CNTNAP2: variants seen among roughly 807,000 people sequenced by gnomAD.
The protein encoded by CNTNAP2 is contactin associated protein 2, also known as contactin-associated protein-like 2.
A neutral mutation model predicts 155.2 loss-of-function variants in CNTNAP2; 98 were observed. That is an observed-to-expected ratio of 0.63 (90% confidence interval 0.54 to 0.75). The LOEUF (loss-of-function observed/expected upper bound fraction) is 0.75. Ranked by LOEUF, CNTNAP2 falls within the 30% of genes least tolerant of loss-of-function variation. The pLI, the probability that CNTNAP2 is intolerant of heterozygous loss-of-function variation, is 0.00. For missense variants in CNTNAP2, 1,727 were observed against 1,688.1 expected (o/e 1.02, Z -0.40); for synonymous variants, 651 against 631.2 (o/e 1.03, Z -0.47).
At chr7:147,442,813 C>T (rs1797665256) in intron 10 of CNTNAP2, among the ~76,000 whole-genome samples, 1 of 152,038 alleles carries the variant, frequency 6.6e-6, no homozygotes, top group African/African-American at 2.4e-5. Context: ...GCAGGTAGGG[C>T]CTGGAAAGGG....
intron 19 of CNTNAP2, among the ~76,000 whole-genome samples, chr7:148,225,546 C>G: frequency 6.6e-6 from 1 of 152,180 alleles, no homozygotes; most frequent in Middle Eastern, 3.4e-3. Flanking sequence ...TGAGCCATTG[C>G]AAGAAGTTTG....
chr7:147,926,571 A>G (rs537336671), intron 14 of CNTNAP2, among the ~76,000 whole-genome samples: 1 of 152,340 alleles, frequency 6.6e-6, no homozygotes, highest in Admixed American at 6.5e-5. Context: ...TGTGATCTAC[A>G]TGTAATTCCA....
chr7:147,192,994 C>G (rs1375068083), intron 8 of CNTNAP2, among the ~76,000 whole-genome samples: 1 of 152,120 alleles, frequency 6.6e-6, no homozygotes, highest in Non-Finnish European at 1.5e-5. Flanking sequence ...CACTAGATAT[C>G]TTGGAAAAAA....
At chr7:146,766,805 T>C (rs1802203012) in intron 1 of CNTNAP2, among the ~76,000 whole-genome samples, 1 of 152,124 alleles carries the variant, frequency 6.6e-6, no homozygotes, top group African/African-American at 2.4e-5. Flanking sequence ...AAGGTCCAAA[T>C]TGGAAGGATT....
intron 1 of CNTNAP2, among the ~76,000 whole-genome samples, chr7:146,138,282 T>G (rs1797826668): frequency 6.6e-6 from 1 of 152,134 alleles, no homozygotes; most frequent in South Asian, 2.1e-4. Context: ...ACATGGAAGG[T>G]CTGAAGAACA....
intron 1 of CNTNAP2, among the ~76,000 whole-genome samples, chr7:146,507,928 A>C: frequency 6.6e-6 from 1 of 152,156 alleles, no homozygotes; most frequent in East Asian, 1.9e-4. Context: ...TGTGATGTCA[A>C]TTGGGAAGAA....
intron 1 of CNTNAP2, among the ~76,000 whole-genome samples, chr7:146,280,887 A>C (rs1291062839): frequency 1.3e-5 from 2 of 152,144 alleles, no homozygotes; most frequent in East Asian, 3.9e-4. Context: ...CTGGCTCAGG[A>C]ACCTTCTGAG....
chr7:147,067,523 T>TA (rs1799804443), intron 4 of CNTNAP2, among the ~76,000 whole-genome samples: 1 of 152,178 alleles, frequency 6.6e-6, no homozygotes, highest in Non-Finnish European at 1.5e-5. Context: ...AATTCTTTTT[T>TA]ATGAGTATGC....
At chr7:147,502,289 G>A (rs1033986012) in intron 11 of CNTNAP2, among the ~76,000 whole-genome samples, 2 of 152,230 alleles carry the variant, frequency 1.3e-5, no homozygotes, top group Admixed American at 1.3e-4. Context: ...GAAAGCTGGA[G>A]GAATCACATA....
At chr7:146,502,177 G>A (rs112487354) in intron 1 of CNTNAP2, among the ~76,000 whole-genome samples, 12,220 of 135,314 alleles carry the variant, frequency 0.09, 1,402 homozygotes, top group African/African-American at 0.28. Flanking sequence ...ACAGGATTTC[G>A]TTATTTTTAT....
At chr7:147,040,513 T>A (rs1799240264) in intron 3 of CNTNAP2, among the ~76,000 whole-genome samples, 1 of 136,194 alleles carries the variant, frequency 7.3e-6, no homozygotes, top group African/African-American at 2.8e-5. Context: ...CAGGCTGGAG[T>A]ACAGTGGCGT....
At chr7:146,643,376 A>ATGGC (rs1306678087) in intron 1 of CNTNAP2, among the ~76,000 whole-genome samples, 1 of 152,104 alleles carries the variant, frequency 6.6e-6, no homozygotes, top group Non-Finnish European at 1.5e-5. Flanking sequence ...CTTTCTACAT[A>ATGGC]TGGCTAGCCA....
chr7:147,521,275 C>G (rs1293239213), intron 11 of CNTNAP2, among the ~76,000 whole-genome samples: 1 of 152,146 alleles, frequency 6.6e-6, no homozygotes, highest in African/African-American at 2.4e-5. Flanking sequence ...GATCATAGTT[C>G]CACTATAATT....
intron 15 of CNTNAP2, among the ~76,000 whole-genome samples, chr7:148,073,247 T>G (rs1803415724): frequency 6.6e-6 from 1 of 152,200 alleles, no homozygotes; most frequent in Non-Finnish European, 1.5e-5. Context: ...ATGTGTCACC[T>G]GAGAGATAGC....
chr7:147,263,817 C>T (rs982070527), intron 8 of CNTNAP2, among the ~76,000 whole-genome samples: 3 of 152,160 alleles, frequency 2.0e-5, no homozygotes, highest in Non-Finnish European at 4.4e-5. Flanking sequence ...CTCATTTCTC[C>T]ATCTCCCTAA....
intron 15 of CNTNAP2, among the ~76,000 whole-genome samples, chr7:147,980,912 C>A: frequency 8.9e-6 from 1 of 112,948 alleles, no homozygotes. Context: ...GCCTGGGTGA[C>A]AGAGCAAGAC....
At chr7:146,243,903 G>T (rs1041082792) in intron 1 of CNTNAP2, among the ~76,000 whole-genome samples, 1 of 152,134 alleles carries the variant, frequency 6.6e-6, no homozygotes, top group African/African-American at 2.4e-5. Flanking sequence ...AGATGGTATG[G>T]AGAGATAATG....
intron 8 of CNTNAP2, among the ~76,000 whole-genome samples, chr7:147,234,711 T>G (rs1190282672): frequency 2.0e-5 from 3 of 152,158 alleles, no homozygotes. Flanking sequence ...ATCCTTAATT[T>G]CCCTCAGCCT....
intron 13 of CNTNAP2, among the ~76,000 whole-genome samples, chr7:147,696,046 AT>A (rs1384084930): frequency 5.9e-5 from 9 of 152,034 alleles, no homozygotes; most frequent in African/African-American, 2.2e-4. Flanking sequence ...CTATCCATTT[AT>A]TTTTAATCCA....
Sources: gnomAD v4.1 joint callset for allele counts (sites outside exome capture counted in the v4.1 genomes callset) on GRCh38, gnomAD v4.1.1 for gene constraint, MANE v1.5 for transcripts, NCBI Gene and HGNC (gene_info 2026-07-23, HGNC 2026-07-21) for gene names.